Variants in CUX1 observed in about 807,000 individuals in gnomAD.
The protein encoded by CUX1 is cut like homeobox 1, also known as protein CASP.
A neutral mutation model predicts 158.8 loss-of-function variants in CUX1; 31 were observed. The ratio of observed to expected loss-of-function variants is 0.20; its 90% CI spans 0.15 to 0.26. CUX1 has a LOEUF of 0.26. CUX1 is among the 10% of genes least tolerant of loss of function. The pLI, the probability that CUX1 is intolerant of heterozygous loss-of-function variation, is 1.00. For missense variants in CUX1, 1,589 were observed against 2,014.6 expected (o/e 0.79, Z 4.04); for synonymous variants, 879 against 862.1 (o/e 1.02, Z -0.34).
At chr7:102,003,663 C>G (rs572482135) in intron 2 of CUX1, among the ~76,000 whole-genome samples, 1 of 152,184 alleles carries the variant, frequency 6.6e-6, no homozygotes, top group Non-Finnish European at 1.5e-5. Flanking sequence ...TCTGATTTCT[C>G]ATCCCTGGAA....
intron 10 of CUX1, among the ~76,000 whole-genome samples, chr7:102,172,050 C>A (rs1791773608): frequency 6.6e-6 from 1 of 152,168 alleles, no homozygotes; most frequent in African/African-American, 2.4e-5. Flanking sequence ...CAATCATTGA[C>A]AATCATTATT....
chr7:102,202,093 C>T lies in CUX1; in HGVS notation c.2796C>T (p.Pro932=), dbSNP rs781872021. Residue 932 remains proline, a synonymous_variant, in exon 18 of 24, where the codon CCC becomes CCT. Transcript: ENST00000292535. ...PTKPSVPPLT[P]EQYEVYMYQE... ...AGCCCTCGGTCCCCCCGCTGACCCC[C>T]GAGCAGTACGAGGTCTACATGTACC... 2.3e-5 allele frequency: 37 copies of T among 1,614,034 alleles called. No homozygotes were observed. Among genetic ancestry groups the T allele is most frequent in the Non-Finnish European group, 2.8e-5 (33 of 1,180,040 alleles).
intron 2 of CUX1, among the ~76,000 whole-genome samples, chr7:101,983,608 A>G (rs576565833): frequency 2.2e-4 from 33 of 152,336 alleles, no homozygotes; most frequent in African/African-American, 7.9e-4. Context: ...TGACGCCAGC[A>G]TCTGCTGCTG....
intron 9 of CUX1, among the ~76,000 whole-genome samples, chr7:102,162,732 T>C (rs1790583815): frequency 2.0e-5 from 3 of 152,092 alleles, no homozygotes; most frequent in Non-Finnish European, 1.5e-5. Flanking sequence ...CCCAGGCTGC[T>C]CTTGAACTCC....
At chr7:102,200,205 A>G in intron 17 of CUX1, 33 bp downstream of exon 17, 1 of 1,551,446 alleles carries the variant, frequency 6.4e-7, no homozygotes, top group Non-Finnish European at 8.8e-7. Flanking sequence ...CACTGTCTTC[A>G]AACTTAATTA....
At chr7:102,141,489 G>C (rs1320447718) in intron 8 of CUX1, among the ~76,000 whole-genome samples, 2 of 152,152 alleles carry the variant, frequency 1.3e-5, no homozygotes, top group Admixed American at 1.3e-4. Context: ...TTTGGGACCT[G>C]AGCCAGGGAG....
intron 2 of CUX1, among the ~76,000 whole-genome samples, chr7:101,924,329 C>A (rs140816401): frequency 6.6e-6 from 1 of 152,000 alleles, no homozygotes; most frequent in Non-Finnish European, 1.5e-5. Context: ...TATATAGACA[C>A]CACCAGAGTG....
chr7:102,085,354 C>G (rs1336904860), intron 4 of CUX1, among the ~76,000 whole-genome samples: 1 of 152,030 alleles, frequency 6.6e-6, no homozygotes, highest in Non-Finnish European at 1.5e-5. Flanking sequence ...TGGCTGTGTT[C>G]CCATGCTATC....
At chr7:101,999,878 A>G (rs1323801039) in intron 2 of CUX1, among the ~76,000 whole-genome samples, 5 of 152,058 alleles carry the variant, frequency 3.3e-5, no homozygotes, top group African/African-American at 9.7e-5. Context: ...TATCAGTGGC[A>G]TGCGTGCGTG....
intron 17 of CUX1, among the ~76,000 whole-genome samples, chr7:102,276,646 T>C (rs1002047381): frequency 2.1e-4 from 32 of 152,204 alleles, no homozygotes; most frequent in African/African-American, 7.2e-4. Flanking sequence ...TATTCAAGCA[T>C]TTGAATAAAT....
At position 102,096,146 on chromosome 7, in the gene CUX1, C is replaced by T. The variant is rs113610279; in HGVS notation, c.269-1218C>T. On this transcript the variant is annotated intron_variant, in intron 4 of 23. Transcript: ENST00000292535. ...GCTGGCCTGGCTGCCGTGCAGCGCG[C>T]GCTGCTCTGCACTTAGTTATCATCA... 6.3e-3 allele frequency among the ~76,000 whole-genome samples: 956 copies of T among 152,340 alleles called. 10 individuals are homozygous for T. The highest frequency in any genetic ancestry group is 0.021 in the African/African-American group (871 of 41,580).
intron 1 of CUX1, among the ~76,000 whole-genome samples, chr7:101,894,560 C>T (rs939294141): frequency 3.9e-5 from 6 of 152,198 alleles, no homozygotes; most frequent in African/African-American, 7.2e-5. Flanking sequence ...GATCCACCCG[C>T]CTCGGCCTCC....
chr7:102,157,292 G>C (rs886728368), intron 8 of CUX1, among the ~76,000 whole-genome samples: 2 of 152,032 alleles, frequency 1.3e-5, no homozygotes, highest in Non-Finnish European at 2.9e-5. Context: ...GGTCCCTGTG[G>C]CTGTAACATT....
chr7:101,927,728 TTTCTGGGCCAAA>T (rs1805763446), intron 2 of CUX1, among the ~76,000 whole-genome samples: 1 of 152,268 alleles, frequency 6.6e-6, no homozygotes, highest in Non-Finnish European at 1.5e-5. Context: ...GTTTGTTTGT[TTTCTGGGCCAAA>T]GGCCCAGAAA....
chr7:101,821,641 A>ATTTTC (rs958148716), intron 1 of CUX1, among the ~76,000 whole-genome samples: 9 of 60,530 alleles, frequency 1.5e-4, no homozygotes, highest in South Asian at 4.8e-4. Context: ...CCCGGCCCCT[A>ATTTTC]TTTTCTTTTC....
chr7:102,192,014 G>T (rs542565990), intron 12 of CUX1, among the ~76,000 whole-genome samples: 1 of 152,274 alleles, frequency 6.6e-6, no homozygotes, highest in East Asian at 1.9e-4. Flanking sequence ...CACATGACAG[G>T]CCCCACCACC....
At chr7:102,108,075 G>A (rs183871620) in intron 6 of CUX1, among the ~76,000 whole-genome samples, 4 of 152,312 alleles carry the variant, frequency 2.6e-5, no homozygotes, top group African/African-American at 9.6e-5. Flanking sequence ...GGGGGAAAAC[G>A]CGAGCAATCT....
At chr7:102,190,686 C>T (rs1420429318) in intron 12 of CUX1, among the ~76,000 whole-genome samples, 5 of 152,204 alleles carry the variant, frequency 3.3e-5, no homozygotes, top group South Asian at 2.1e-4. Flanking sequence ...CCGTGCTTCT[C>T]GCGGCTGGAG....
At chr7:102,077,880 T>C (rs552012173) in intron 4 of CUX1, among the ~76,000 whole-genome samples, 1 of 152,178 alleles carries the variant, frequency 6.6e-6, no homozygotes, top group South Asian at 2.1e-4. Context: ...CTTTTCATTT[T>C]TTTTTTTTTT....
Sources: gnomAD v4.1 joint callset for allele counts (sites outside exome capture counted in the v4.1 genomes callset) on GRCh38, gnomAD v4.1.1 for gene constraint, MANE v1.5 for transcripts, NCBI Gene and HGNC (gene_info 2026-07-23, HGNC 2026-07-21) for gene names.